The following DOT1L variants were observed in gnomAD, a reference collection of about 807,000 sequenced individuals.
DOT1L encodes the protein DOT1 like histone lysine methyltransferase.
Under a neutral mutation model 153.3 loss-of-function variants are expected in DOT1L, and 33 were observed. The observed-to-expected ratio is 0.22, with a 90% confidence interval of 0.16 to 0.29. The LOEUF is 0.29. Ranked by LOEUF, DOT1L falls within the 10% of genes least tolerant of loss-of-function variation. The pLI is 1.00. For synonymous variants in DOT1L, 1,135 were observed against 965.1 expected (o/e 1.18, Z -3.26); for missense variants, 1,847 against 2,119.9 (o/e 0.87, Z 2.53).
chr19:2,181,490 C>G (rs1302546476), intron 2 of DOT1L, among the ~76,000 whole-genome samples: 1 of 152,256 alleles, frequency 6.6e-6, no homozygotes, highest in Non-Finnish European at 1.5e-5. Context: ...CCCCTAGCTC[C>G]TGAGGCCCTG....
At position 2,226,676 on chromosome 19, in the gene DOT1L, C is replaced by G. The variant is rs1318497143; in HGVS notation, c.4155C>G (p.Arg1385=). ...CTGGGCTGAAGGGCGAGGGCAGCCG[C>G]GGCAAGGAGGCAGGGGAGGGCGGCC... ...GLAGLKGEGS[R]GKEAGEGGLP... Residue 1385 remains arginine, a synonymous_variant, in exon 27 of 28, where the codon CGC becomes CGG. Transcript: ENST00000398665. The G allele has an allele frequency of 6.3e-7, 1 of 1,578,194 alleles. No homozygotes were observed. The highest frequency in any genetic ancestry group is 1.1e-5 in the South Asian group (1 of 87,910).
At chr19:2,210,963 G>T in intron 14 of DOT1L, 108 bp downstream of exon 14, 1 of 1,477,402 alleles carries the variant, frequency 6.8e-7, no homozygotes, top group Non-Finnish European at 9.3e-7. Context: ...GGGTGTCCCT[G>T]GAGCCTCCCT....
intron 1 of DOT1L, among the ~76,000 whole-genome samples, chr19:2,179,705 G>A (rs558652304): frequency 8.5e-5 from 13 of 152,266 alleles, no homozygotes; most frequent in Non-Finnish European, 1.9e-4. Flanking sequence ...TACTCGGGAG[G>A]CTGAGGCAGG....
rs1053690930 is a variant in DOT1L, at chr19:2,193,180, C to T, written c.494-509C>T. Among the ~76,000 whole-genome samples the T allele has an allele frequency of 7.2e-5, 11 of 152,194 alleles. No individual in the cohort carries two copies. Among genetic ancestry groups the T allele is most frequent in the Non-Finnish European group, 1.2e-4 (8 of 68,042 alleles). On this transcript the variant is annotated intron_variant, in intron 5 of 27. Transcript: ENST00000398665. The surrounding 1 kb of genome is among the most constrained non-coding windows in gnomAD (Gnocchi z 5.9). ...GCTGATGCTGTGAAACCGCAGCGGC[C>T]GGGAGACTGTCCTGGCTGCGGGGGA...
rs931640618 is a variant in DOT1L, at chr19:2,222,748, A to G, written c.3390+189A>G. 1.1e-5 allele frequency: 7 copies of G among 621,122 alleles called. No homozygotes were observed. The Admixed American group carries it at 2.3e-4, about 20-fold the overall frequency. 38.5% of individuals were successfully genotyped at this position (621,122 alleles called of 1,614,324 possible). A position where few individuals can be genotyped will look rare whatever the true frequency, so the allele number is the denominator to read the frequency against. The stretch of plus-strand genomic sequence containing the variant: ...ACCCCGTCTCTACCAAAAATACAAA[A>G]GATTAGCCGGGCGTGGTGGCGGGTG... On this transcript the variant is annotated intron_variant, in intron 24 of 27. Transcript: ENST00000398665. The surrounding 1 kb of genome is among the most constrained non-coding windows in gnomAD (Gnocchi z 6.5).
chr19:2,229,929 C>CGGCG lies in DOT1L; in HGVS notation c.*139_*142dup, dbSNP rs2144963253. 2 of 1,477,486 alleles carry CGGCG rather than the reference C, an allele frequency of 1.4e-6. No individual in the cohort carries two copies. The highest frequency in any genetic ancestry group is 4.5e-5 in the East Asian group (2 of 43,978). 91.5% of individuals were successfully genotyped at this position (1,477,486 alleles called of 1,614,324 possible). A position where few individuals can be genotyped will look rare whatever the true frequency, so the allele number is the denominator to read the frequency against. ...GACGGACGGGAGCTCCACTGTGAAT[C>CGGCG]GGCGGCACGCGCCGCAGGAGGCTGG... is the stretch of plus-strand genomic sequence containing the variant. On this transcript the variant is annotated 3_prime_UTR_variant, in exon 28 of 28. Transcript: ENST00000398665.
At chr19:2,209,105 C>T in intron 12 of DOT1L, 129 bp downstream of exon 12, 2 of 1,006,076 alleles carry the variant, frequency 2.0e-6, no homozygotes, top group Admixed American at 2.8e-5. Context: ...CGGGGCCCGG[C>T]CCTGTGCCCT....
intron 22 of DOT1L, among the ~76,000 whole-genome samples, chr19:2,218,858 G>A (rs547215078): frequency 2.4e-4 from 36 of 149,920 alleles, no homozygotes; most frequent in African/African-American, 7.9e-4. Context: ...CACCACGCCC[G>A]GTTAATCCCC....
chr19:2,192,945 C>A (rs1219516653), intron 5 of DOT1L, among the ~76,000 whole-genome samples: 2 of 152,214 alleles, frequency 1.3e-5, no homozygotes, highest in Admixed American at 6.5e-5. Flanking sequence ...GTGTGCTTCT[C>A]TTCCCACTGG....
chr19:2,230,052 G>A lies in DOT1L; in HGVS notation c.*260G>A. ...TGACTTATTTTATTCCATCTAAGTG[G>A]TAAAAGGCAACTTATTGAGAAATAT... On this transcript the variant is annotated 3_prime_UTR_variant, in exon 28 of 28. Transcript: ENST00000398665. The A allele has an allele frequency of 3.3e-6, 2 of 611,606 alleles. No homozygotes were observed. The highest frequency in any genetic ancestry group is 6.4e-5 in the Admixed American group (2 of 31,374). The allele number at this position is 611,606 out of a possible 1,614,324, so 37.9% of individuals were successfully genotyped here. A position where few individuals can be genotyped will look rare whatever the true frequency, so the allele number is the denominator to read the frequency against.
At position 2,204,598 on chromosome 19, in the gene DOT1L, C is replaced by T. The variant is rs550354184; in HGVS notation, c.787+1819C>T. 1.3e-5 allele frequency among the ~76,000 whole-genome samples: 2 copies of T among 152,276 alleles called. No homozygotes were observed. Among genetic ancestry groups the T allele is most frequent in the South Asian group, 4.1e-4 (2 of 4,832 alleles). On this transcript the variant is annotated intron_variant, in intron 9 of 27. Transcript: ENST00000398665. This position sits in a 1 kb window ranked among gnomAD's most constrained non-coding sequence, Gnocchi z 5.7. ...CTGTTTCTCGCCAGCTTTCTCTGCA[C>T]GATCAGACGTGGTGGCTGAGTCAGG...
chr19:2,182,887 C>T (rs1332736174), intron 2 of DOT1L, among the ~76,000 whole-genome samples: 2 of 152,144 alleles, frequency 1.3e-5, no homozygotes, highest in African/African-American at 4.8e-5. Flanking sequence ...CTGGGGAGCG[C>T]ATCTGGAGTC....
chr19:2,169,649 A>G (rs1714254046), intron 1 of DOT1L, among the ~76,000 whole-genome samples: 1 of 151,950 alleles, frequency 6.6e-6, no homozygotes, highest in African/African-American at 2.4e-5. Flanking sequence ...GTGAGCCACC[A>G]CGCCCAGCTC....
At chr19:2,192,739 T>A (rs926462804) in intron 5 of DOT1L, among the ~76,000 whole-genome samples, 5 of 150,958 alleles carry the variant, frequency 3.3e-5, no homozygotes, top group Non-Finnish European at 7.4e-5. Context: ...GTAATCCCAA[T>A]GCTTTGGAAG....
At chr19:2,181,759 C>T (rs886497656) in intron 2 of DOT1L, among the ~76,000 whole-genome samples, 2 of 138,828 alleles carry the variant, frequency 1.4e-5, no homozygotes, top group African/African-American at 2.6e-5. Flanking sequence ...AGCCCCCGCC[C>T]AGCACCAGCC....
chr19:2,205,516 C>A (rs1202841562), intron 9 of DOT1L, among the ~76,000 whole-genome samples: 1 of 152,128 alleles, frequency 6.6e-6, no homozygotes, highest in Non-Finnish European at 1.5e-5. Flanking sequence ...TGAAGGTGTC[C>A]ATCCGGTCTG....
rs1292020731 is a variant in DOT1L, at chr19:2,197,419, G to A, written c.652-2465G>A. On this transcript the variant is annotated intron_variant, in intron 7 of 27. Transcript: ENST00000398665. The surrounding 1 kb of genome is among the most constrained non-coding windows in gnomAD (Gnocchi z 4.1). Reference sequence around the variant, plus strand: ...GGTTCCCAGCGATGGCCAGGAGGGCGCCATGGTGCCTTCCTCCGCGCGGTC... The same window carrying A: ...GGTTCCCAGCGATGGCCAGGAGGGCACCATGGTGCCTTCCTCCGCGCGGTC... 6.6e-6 allele frequency among the ~76,000 whole-genome samples: 1 copy of A among 152,200 alleles called. No individual in the cohort carries two copies.
intron 9 of DOT1L, among the ~76,000 whole-genome samples, chr19:2,206,524 A>C (rs1489308001): frequency 6.8e-6 from 1 of 147,626 alleles, no homozygotes. Flanking sequence ...TCTGTCTCAA[A>C]AAAAAAAAAA....
chr19:2,206,707 G>C, intron 9 of DOT1L, 22 bp from the exon 10 acceptor site: 2 of 1,613,386 alleles, frequency 1.2e-6, no homozygotes, highest in Non-Finnish European at 1.7e-6. Flanking sequence ...CTGTGTGGCA[G>C]TAAGCAGTGT....
Sources: allele counts gnomAD v4.1 joint callset (sites outside exome capture counted in the v4.1 genomes callset), GRCh38; gene constraint gnomAD v4.1.1; non-coding constraint Gnocchi (gnomAD v3.1); transcripts MANE v1.5; gene names NCBI Gene and HGNC (gene_info 2026-07-23, HGNC 2026-07-21).